DOCK8: variants seen among roughly 807,000 people sequenced by gnomAD.
DOCK8 encodes dedicator of cytokinesis 8.
DOCK8 carries 141 observed loss-of-function variants against 245.6 expected under a neutral mutation model. That is an observed-to-expected ratio of 0.57 (90% CI 0.50 to 0.66). The LOEUF is 0.66. Ranked by LOEUF, DOCK8 falls within the 30% of genes least tolerant of loss-of-function variation. DOCK8 has a pLI of 0.00. For missense variants in DOCK8, 2,965 were observed against 2,603.4 expected (o/e 1.14, Z -3.02); for synonymous variants, 1,168 against 970.2 (o/e 1.20, Z -3.79).
rs10970979 is a variant in DOCK8, at chr9:334,337, A to T, written c.1238A>T (p.Asn413Ile). The change falls in exon 11 of 48, where the codon AAT becomes ATT. Residue 413 changes from asparagine to isoleucine, a missense_variant. Physicochemically the swap from Asn to Ile is moderately radical, Grantham distance 149. Coordinates refer to ENST00000432829, the MANE Select transcript of DOCK8 (RefSeq NM_203447.4). ...CCCATAAGCTTATCAAGCTTCTTCA[A>T]TGTCTCCACCCTTGAGAGGGAGGTA... ...WAPISLSSFF[N>I]VSTLEREVTD... The T allele has an allele frequency of 2.5e-6, 4 of 1,613,846 alleles. No individual in the cohort carries two copies. The highest frequency in any genetic ancestry group is 3.4e-6 in the Non-Finnish European group (4 of 1,179,968).
At position 464,855 on chromosome 9, in the gene DOCK8, A is replaced by G. The variant is rs527421069; in HGVS notation, c.*636A>G. 6.3e-6 allele frequency: 1 copy of G among 157,488 alleles called. No homozygotes were observed. The highest frequency in any genetic ancestry group is 1.9e-4 in the South Asian group (1 of 5,396). The allele number at this position is 157,488 out of a possible 1,614,324, so 9.8% of individuals were successfully genotyped here. A position where few individuals can be genotyped will look rare whatever the true frequency, so the allele number is the denominator to read the frequency against. On this transcript the variant is annotated 3_prime_UTR_variant, in exon 48 of 48. Transcript: ENST00000432829. ...TTACTGTTACATTAATTTAACATGC[A>G]TTTATAGAAGAATACATTCAAAGCA...
At chr9:225,382 G>C (rs1343650231) in intron 1 of DOCK8, among the ~76,000 whole-genome samples, 1 of 152,184 alleles carries the variant, frequency 6.6e-6, no homozygotes, top group Non-Finnish European at 1.5e-5. Flanking sequence ...AGAATAGTTA[G>C]CAGTGTGCAG....
upstream of DOCK8, chr9:214,468 C>T (rs759803429): frequency 1.3e-6 from 2 of 1,572,830 alleles, no homozygotes; most frequent in Admixed American, 1.9e-5. Flanking sequence ...TTTTTGGCTG[C>T]CTTCTTCGAG....
At chr9:448,456 C>T (rs1361399162) in intron 44 of DOCK8, among the ~76,000 whole-genome samples, 3 of 152,148 alleles carry the variant, frequency 2.0e-5, no homozygotes, top group African/African-American at 4.8e-5. Flanking sequence ...AACAACAGTT[C>T]TCAGCTGTTT....
intron 14 of DOCK8, among the ~76,000 whole-genome samples, chr9:354,690 T>C (rs2052340740): frequency 6.6e-6 from 1 of 152,186 alleles, no homozygotes; most frequent in Non-Finnish European, 1.5e-5. Context: ...ATGCAGTTGC[T>C]CACGGGTTGT....
chr9:369,058 G>C (rs1219020497), intron 15 of DOCK8: 2 of 151,686 alleles, frequency 1.3e-5, no homozygotes, highest in African/African-American at 4.8e-5. Context: ...CACCCGCCTT[G>C]GCCTCCTAAA....
In DOCK8 at chr9:452,153, A is replaced by T. The variant is rs536598018; in HGVS notation, c.6068+36A>T. On this transcript the variant is annotated intron_variant, in intron 46 of 47. Transcript: ENST00000432829. ...AAATGGCTGGGAATTTCAGTAGAGC[A>T]GTGGTTCTCAAAGTGCAATCTTAGA... is the stretch of plus-strand genomic sequence containing the variant. 12 of 1,390,560 alleles carry T rather than the reference A, an allele frequency of 8.6e-6. No individual in the cohort carries two copies. The Admixed American group carries it at 1.5e-4, about 18-fold the overall frequency. The allele number at this position is 1,390,560 out of a possible 1,614,324, so 86.1% of individuals were successfully genotyped here. A position where few individuals can be genotyped will look rare whatever the true frequency, so the allele number is the denominator to read the frequency against.
chr9:366,013 T>C, intron 14 of DOCK8: 1 of 193,066 alleles, frequency 5.2e-6, no homozygotes, highest in South Asian at 9.4e-5. Context: ...TGCTGCTAAG[T>C]CAGCCAGTGG....
At position 398,419 on chromosome 9, in the gene DOCK8, TA is replaced by T. The variant is rs528608165; in HGVS notation, c.3121-725del. Reference sequence around the variant, plus strand: ...GCAAAATAGTTTCAAACCATATTTTTAATAGTGTCAAAGGAAATTGATTTGT... The same window carrying T: ...GCAAAATAGTTTCAAACCATATTTTTATAGTGTCAAAGGAAATTGATTTGT... On this transcript the variant is annotated intron_variant, in intron 25 of 47. Transcript: ENST00000432829. 1.3e-3 allele frequency among the ~76,000 whole-genome samples: 197 copies of T among 152,328 alleles called. 1 individual carries two copies. Among genetic ancestry groups the T allele is most frequent in the African/African-American group, 4.6e-3 (193 of 41,574 alleles).
At chr9:432,075 A>G in intron 36 of DOCK8, 91 bp from the exon 37 acceptor site, 3 of 1,295,924 alleles carry the variant, frequency 2.3e-6, no homozygotes, top group Non-Finnish European at 2.2e-6. Context: ...AACACTGAGG[A>G]GTTGTTTGTG....
At chr9:302,154 G>T (rs1337793380) in intron 4 of DOCK8, among the ~76,000 whole-genome samples, 1 of 152,236 alleles carries the variant, frequency 6.6e-6, no homozygotes, top group African/African-American at 2.4e-5. Flanking sequence ...AAACAGACAC[G>T]TAGACCAATA....
At chr9:356,689 C>T (rs1171332271) in intron 14 of DOCK8, among the ~76,000 whole-genome samples, 1 of 152,112 alleles carries the variant, frequency 6.6e-6, no homozygotes, top group African/African-American at 2.4e-5. Context: ...TTCATGCACA[C>T]CTTCAGTCCA....
intron 42 of DOCK8, among the ~76,000 whole-genome samples, chr9:442,214 C>T (rs1352843509): frequency 6.6e-6 from 1 of 152,172 alleles, no homozygotes; most frequent in Non-Finnish European, 1.5e-5. Context: ...TAGTTTTTCC[C>T]TAATACTCTG....
chr9:333,418 G>T (rs1815359), intron 10 of DOCK8, among the ~76,000 whole-genome samples: 1,755 of 152,122 alleles, frequency 0.012, 22 homozygotes, highest in South Asian at 0.019. Context: ...TGGCCAACAC[G>T]GTGAAACCCC....
At position 377,263 on chromosome 9, in the gene DOCK8, C is replaced by T. The variant is rs1161661522; in HGVS notation, c.2440+52C>T. The T allele has an allele frequency of 4.1e-6, 6 of 1,471,178 alleles. No individual in the cohort carries two copies. The East Asian group carries it at 1.5e-4, about 36-fold the overall frequency. The allele number at this position is 1,471,178 out of a possible 1,614,324, so 91.1% of individuals were successfully genotyped here. ...AGGAGGCAGGAGCAAGCAAGCATTG[C>T]CTTCTTTAATGAAAAATGACTTTCC... On this transcript the variant is annotated intron_variant, in intron 20 of 47. Coordinates refer to ENST00000432829, the MANE Select transcript of DOCK8 (RefSeq NM_203447.4).
chr9:284,277 A>C lies in DOCK8; in HGVS notation c.157-2184A>C, dbSNP rs1586594420. 6 of 152,280 alleles carry C rather than the reference A, an allele frequency of 3.9e-5. No homozygotes were observed. In the South Asian group the frequency reaches 1.2e-3, roughly 31 times the overall value. 9.4% of individuals were successfully genotyped at this position (152,280 alleles called of 1,614,324 possible). A position where few individuals can be genotyped will look rare whatever the true frequency, so the allele number is the denominator to read the frequency against. On this transcript the variant is annotated intron_variant, in intron 2 of 47. Coordinates refer to ENST00000432829, the MANE Select transcript of DOCK8 (RefSeq NM_203447.4). ...TCTGTTGTTTCCTCTGGCAGAGTTCACCAGTGTCCTAATGCAAACTTAGTC... is the reference window on the plus strand; with the variant it reads ...TCTGTTGTTTCCTCTGGCAGAGTTCCCCAGTGTCCTAATGCAAACTTAGTC...
intron 28 of DOCK8, among the ~76,000 whole-genome samples, chr9:413,014 T>C (rs1679773750): frequency 6.6e-6 from 1 of 152,074 alleles, no homozygotes; most frequent in South Asian, 2.1e-4. Context: ...CAAAACTTAC[T>C]ACAAAGCAAA....
chr9:418,587 G>A (rs1363541539), intron 30 of DOCK8, among the ~76,000 whole-genome samples: 1 of 152,142 alleles, frequency 6.6e-6, no homozygotes, highest in Non-Finnish European at 1.5e-5. Flanking sequence ...ATCTTCTGAT[G>A]GGAGAACTCA....
At chr9:357,038 T>C (rs896257112) in intron 14 of DOCK8, among the ~76,000 whole-genome samples, 2 of 152,228 alleles carry the variant, frequency 1.3e-5, no homozygotes, top group African/African-American at 4.8e-5. Flanking sequence ...GCTTTCCCTT[T>C]GGGTCTTTGC....
Sources: allele counts gnomAD v4.1 joint callset (sites outside exome capture counted in the v4.1 genomes callset), GRCh38; gene constraint gnomAD v4.1.1; transcripts MANE v1.5; gene names NCBI Gene and HGNC (gene_info 2026-07-23, HGNC 2026-07-21).